The following ZMYM5 variants were observed in gnomAD, a reference collection of about 807,000 sequenced individuals.
ZMYM5 encodes the protein zinc finger MYM-type containing 5.
In ZMYM5, 41 loss-of-function variants were observed where a neutral mutation model predicts 61.8. The ratio of observed to expected loss-of-function variants is 0.66; its 90% CI spans 0.52 to 0.86. The LOEUF (loss-of-function observed/expected upper bound fraction) is 0.86, where lower values mean the gene tolerates loss of function less well. ZMYM5 is among the 40% of genes least tolerant of loss of function. The probability of loss-of-function intolerance (pLI) is 0.00; values close to 1 mark genes in which losing one functional copy is unlikely to be tolerated. For missense variants in ZMYM5, 706 were observed against 786.7 expected (o/e 0.90, Z 1.23); for synonymous variants, 257 against 276.4 (o/e 0.93, Z 0.70).
intron 4 of ZMYM5, chr13:19,843,412 C>T (rs557771081): frequency 7.2e-6 from 1 of 138,662 alleles, no homozygotes; most frequent in African/African-American, 2.6e-5. Flanking sequence ...TATAGCAAGG[C>T]TTCTAGTTTC....
At chr13:19,827,310 G>C (rs1890961742) in intron 7 of ZMYM5, among the ~76,000 whole-genome samples, 2 of 152,032 alleles carry the variant, frequency 1.3e-5, no homozygotes, top group South Asian at 4.2e-4. Context: ...AATATGAAGA[G>C]AGAGCTCTAA....
rs535807073 is a variant in ZMYM5 at position 19,834,224 on chromosome 13, C to T, written c.1251+1253G>A. On this transcript the variant is annotated intron_variant, in intron 7 of 7. Coordinates refer to ENST00000337963, the MANE Select transcript of ZMYM5 (RefSeq NM_001142684.2). ...AACTCCTGACCTTAGGTGATCCATCCGCCTTGGCCTCCCAAAGTGCTGGGA... is the reference window on the plus strand; with the variant it reads ...AACTCCTGACCTTAGGTGATCCATCTGCCTTGGCCTCCCAAAGTGCTGGGA... 2.6e-5 allele frequency among the ~76,000 whole-genome samples: 4 copies of T among 152,250 alleles called. No homozygotes were observed. In the South Asian group the frequency reaches 6.2e-4, roughly 24 times the overall value.
At chr13:19,853,457 ATTT>A (rs538605853) in intron 2 of ZMYM5, among the ~76,000 whole-genome samples, 1 of 149,656 alleles carries the variant, frequency 6.7e-6, no homozygotes, top group African/African-American at 2.5e-5. Flanking sequence ...TCAATTTTCA[ATTT>A]TTTTTTTCTT....
chr13:19,837,031 T>G (rs766168187), intron 6 of ZMYM5, among the ~76,000 whole-genome samples: 259 of 123,744 alleles, frequency 2.1e-3, no homozygotes, highest in African/African-American at 8.1e-3. Context: ...TTTGTTTTTT[T>G]TTTTTTCTTT....
intron 1 of ZMYM5, among the ~76,000 whole-genome samples, chr13:19,863,064 G>A (rs1263994221): frequency 6.6e-6 from 1 of 152,230 alleles, no homozygotes; most frequent in African/African-American, 2.4e-5. Flanking sequence ...CCGGCGGCAG[G>A]GTGGCAGCGC....
Position 19,839,992 on chromosome 13 carries a change from A to C in ZMYM5, c.587-1007T>G, listed in dbSNP as rs531932344. On this transcript the variant is annotated intron_variant, in intron 4 of 7. Coordinates refer to ENST00000337963, the MANE Select transcript of ZMYM5 (RefSeq NM_001142684.2). ...TTCTCAAACTTTATTGTGCATATTA[A>C]ATCACTTGGGAATCTTGTTTAAATG... is the stretch of plus-strand genomic sequence containing the variant. Among the ~76,000 whole-genome samples the C allele has an allele frequency of 6.6e-5, 10 of 152,354 alleles. No individual in the cohort carries two copies. The East Asian group carries it at 1.9e-3, about 29-fold the overall frequency.
chr13:19,836,944 G>T (rs1029723413), intron 6 of ZMYM5, among the ~76,000 whole-genome samples: 1 of 151,974 alleles, frequency 6.6e-6, no homozygotes, highest in African/African-American at 2.4e-5. Context: ...TTCTTGTACC[G>T]GGATCTGCTG....
intron 4 of ZMYM5, among the ~76,000 whole-genome samples, chr13:19,847,211 AG>A (rs1953105382): frequency 6.6e-6 from 1 of 152,176 alleles, no homozygotes; most frequent in Non-Finnish European, 1.5e-5. Context: ...GGCCTCAAAA[AG>A]TGCTGGGATT....
chr13:19,824,492 C>G lies in ZMYM5; in HGVS notation c.1995G>C (p.Leu665=). 7.7e-7 allele frequency: 1 copy of G among 1,306,946 alleles called. No individual in the cohort carries two copies. Among genetic ancestry groups the G allele is most frequent in the South Asian group, 1.3e-5 (1 of 74,600 alleles). The allele number at this position is 1,306,946 out of a possible 1,614,324, so 81.0% of individuals were successfully genotyped here. Residue 665 remains leucine, a synonymous_variant, in exon 8 of 8, where the codon CTG becomes CTC. Coordinates refer to ENST00000337963, the MANE Select transcript of ZMYM5 (RefSeq NM_001142684.2). ...LYENEKNDGV[L]LLYT is the part of the protein sequence containing the mutation. ...CTCAGGTATATTACGTGTACAACAA[C>G]AGCACACCATCATTTTTCTCATTTT... is the stretch of plus-strand genomic sequence containing the variant.
At chr13:19,839,743 A>G (rs1952798775) in intron 4 of ZMYM5, among the ~76,000 whole-genome samples, 1 of 152,196 alleles carries the variant, frequency 6.6e-6, no homozygotes, top group Non-Finnish European at 1.5e-5. Context: ...TATTTCAAGT[A>G]AATTGTAGAC....
Position 19,825,175 on chromosome 13 carries a change from T to C in ZMYM5, c.1312A>G (p.Arg438Gly), listed in dbSNP as rs778589383. Residue 438 changes from arginine to glycine, a missense_variant, in exon 8 of 8, where the codon AGA becomes GGA. By Grantham distance (125) the Arg-to-Gly change is moderately radical (BLOSUM62 -2). Transcript: ENST00000337963. ...ASENRKRNAFREENEKQLYGS... is the reference protein window; with the variant it reads ...ASENRKRNAFGEENEKQLYGS... ...TATAATTGTTTCTCATTTTCTTCTCTAAAAGCATTCCTTTTTCTATTTTCT... is the reference window on the plus strand; with the variant it reads ...TATAATTGTTTCTCATTTTCTTCTCCAAAAGCATTCCTTTTTCTATTTTCT... 3 of 1,297,886 alleles carry C rather than the reference T, an allele frequency of 2.3e-6. No individual in the cohort carries two copies. Among genetic ancestry groups the C allele is most frequent in the Non-Finnish European group, 3.0e-6 (3 of 989,536 alleles). 80.4% of individuals were successfully genotyped at this position (1,297,886 alleles called of 1,614,324 possible).
At chr13:19,837,224 G>A (rs558053727) in intron 6 of ZMYM5, among the ~76,000 whole-genome samples, 1 of 152,040 alleles carries the variant, frequency 6.6e-6, no homozygotes, top group African/African-American at 2.4e-5. Flanking sequence ...TCACCCTGTT[G>A]GCCAGGTTGG....
chr13:19,843,125 G>GTT (rs374752573), intron 4 of ZMYM5, among the ~76,000 whole-genome samples: 15 of 143,606 alleles, frequency 1.0e-4, no homozygotes, highest in African/African-American at 3.2e-4. Flanking sequence ...AGATTTAACA[G>GTT]TTTTTTTTTT....
chr13:19,830,556 G>A (rs1236758663), intron 7 of ZMYM5, among the ~76,000 whole-genome samples: 2 of 151,878 alleles, frequency 1.3e-5, no homozygotes. Context: ...TAATTTTTGA[G>A]ACAGTCTCAC....
At position 19,838,879 on chromosome 13, in the gene ZMYM5, T is replaced by C; in HGVS notation, c.693A>G (p.Thr231=). The part of the protein sequence containing the change: ...ALLRKQNFQP[T]AQQQLTKPAK... ...CTGGTTTAGTAAGTTGTTGTTGGGC[T>C]GTAGGCTGGAAATTCTGCTTACGAA... The change falls in exon 5 of 8, where the codon ACA becomes ACG. Residue 231 remains threonine (T), a synonymous_variant. Coordinates refer to ENST00000337963, the MANE Select transcript of ZMYM5 (RefSeq NM_001142684.2). The C allele has an allele frequency of 6.2e-7, 1 of 1,614,184 alleles. No individual in the cohort carries two copies. Among genetic ancestry groups the C allele is most frequent in the Non-Finnish European group, 8.5e-7 (1 of 1,180,040 alleles).
intron 2 of ZMYM5, among the ~76,000 whole-genome samples, chr13:19,855,750 GCCTGTAAT>G (rs1953479250): frequency 6.6e-6 from 1 of 150,900 alleles, no homozygotes; most frequent in Non-Finnish European, 1.5e-5. Context: ...AGTGGCTCAT[GCCTGTAAT>G]CCCAGCACTT....
chr13:19,838,431 T>G (rs1359551471), intron 5 of ZMYM5, among the ~76,000 whole-genome samples: 5 of 151,880 alleles, frequency 3.3e-5, no homozygotes, highest in Non-Finnish European at 7.4e-5. Context: ...AACTAAGGTG[T>G]TAAGATGGGG....
intron 4 of ZMYM5, 99 bp from the exon 5 acceptor site, chr13:19,839,084 C>A: frequency 6.9e-7 from 1 of 1,441,820 alleles, no homozygotes; most frequent in Non-Finnish European, 9.4e-7. Flanking sequence ...ACAAGTGGGG[C>A]AGGCGTATAA....
chr13:19,859,425 C>A (rs1158410157), intron 2 of ZMYM5, among the ~76,000 whole-genome samples: 1 of 152,020 alleles, frequency 6.6e-6, no homozygotes, highest in Non-Finnish European at 1.5e-5. Context: ...GTTTTTGAGA[C>A]GGAGTCTCGC....
Sources: allele counts gnomAD v4.1 joint callset (sites outside exome capture counted in the v4.1 genomes callset), GRCh38; gene constraint gnomAD v4.1.1; transcripts MANE v1.5; gene names NCBI Gene and HGNC (gene_info 2026-07-23, HGNC 2026-07-21).